IL1RAPL1: variants seen among roughly 807,000 people sequenced by gnomAD.
The protein encoded by IL1RAPL1 is interleukin-1 receptor accessory protein-like 1.
In IL1RAPL1, 3 loss-of-function variants were observed where a neutral mutation model predicts 48.4. That is an observed-to-expected ratio of 0.06 (90% CI 0.03 to 0.16). The LOEUF (loss-of-function observed/expected upper bound fraction) is 0.16. IL1RAPL1 is among the 10% of genes least tolerant of loss of function. IL1RAPL1 has a pLI of 1.00. For missense variants in IL1RAPL1, 349 were observed against 530.6 expected (o/e 0.66, Z 3.36); for synonymous variants, 185 against 187.7 (o/e 0.99, Z 0.12).
At chrX:29,106,658 T>C (rs950442369) in intron 2 of IL1RAPL1, among the ~76,000 whole-genome samples, 1 of 111,344 alleles carries the variant, frequency 9.0e-6, no homozygotes, top group Non-Finnish European at 1.9e-5. Context: ...TGTGGCATGA[T>C]GTTGTTATAT....
intron 2 of IL1RAPL1, among the ~76,000 whole-genome samples, chrX:28,956,844 T>G (rs1366524953): frequency 9.3e-6 from 1 of 107,581 alleles, no homozygotes; most frequent in Non-Finnish European, 1.9e-5. Context: ...ATGGTACCAG[T>G]TCCTCCTTGT....
intron 6 of IL1RAPL1, among the ~76,000 whole-genome samples, chrX:29,831,531 A>G (rs1930875516): frequency 8.9e-6 from 1 of 112,075 alleles, no homozygotes. Context: ...GGAAATAGAC[A>G]TGAATCAGAC....
chrX:29,917,065 C>G (rs1265689158), intron 6 of IL1RAPL1, among the ~76,000 whole-genome samples: 1 of 112,308 alleles, frequency 8.9e-6, no homozygotes, highest in African/African-American at 3.2e-5. Context: ...CACCTTCTAT[C>G]TGCCCTATAA....
intron 2 of IL1RAPL1, among the ~76,000 whole-genome samples, chrX:29,186,557 A>G (rs770320896): frequency 8.9e-6 from 1 of 111,884 alleles, no homozygotes; most frequent in East Asian, 2.8e-4. Flanking sequence ...AAAGACAAGT[A>G]TATTTGTAAT....
chrX:28,591,959 T>G (rs1298700121), intron 1 of IL1RAPL1, among the ~76,000 whole-genome samples: 4 of 112,048 alleles, frequency 3.6e-5, no homozygotes, highest in Non-Finnish European at 7.5e-5. Context: ...AAGGATTCCC[T>G]TAAGTCTTAT....
At chrX:29,941,052 G>A (rs1404619266) in intron 8 of IL1RAPL1, among the ~76,000 whole-genome samples, 1 of 111,982 alleles carries the variant, frequency 8.9e-6, no homozygotes, top group Non-Finnish European at 1.9e-5. Flanking sequence ...GGAGTCAGCA[G>A]ACAGCATTCA....
chrX:29,802,896 T>TATATAC (rs1305676858), intron 6 of IL1RAPL1, among the ~76,000 whole-genome samples: 5 of 56,421 alleles, frequency 8.9e-5, no homozygotes, highest in African/African-American at 1.6e-4. Context: ...TATGTATACA[T>TATATAC]ATATATGTGT....
intron 2 of IL1RAPL1, among the ~76,000 whole-genome samples, chrX:29,202,793 G>A (rs1189563570): frequency 8.9e-6 from 1 of 111,795 alleles, no homozygotes; most frequent in Non-Finnish European, 1.9e-5. Context: ...TGACCTATAA[G>A]TGGGAACCAA....
chrX:29,243,738 G>T (rs1931462369), intron 2 of IL1RAPL1, among the ~76,000 whole-genome samples: 1 of 111,353 alleles, frequency 9.0e-6, no homozygotes, highest in Non-Finnish European at 1.9e-5. Flanking sequence ...TACCTCTGAA[G>T]ATCCACTCTA....
intron 5 of IL1RAPL1, among the ~76,000 whole-genome samples, chrX:29,498,475 T>C (rs748039273): frequency 8.9e-6 from 1 of 112,261 alleles, no homozygotes; most frequent in South Asian, 3.7e-4. Context: ...TTTCTTTATT[T>C]GATTCCTTAC....
At chrX:29,225,677 G>T (rs1450117378) in intron 2 of IL1RAPL1, among the ~76,000 whole-genome samples, 1 of 111,376 alleles carries the variant, frequency 9.0e-6, no homozygotes, top group East Asian at 2.8e-4. Context: ...ATGTGATTGG[G>T]CTGGTTAATA....
chrX:28,861,990 G>A (rs1376520670), intron 2 of IL1RAPL1, among the ~76,000 whole-genome samples: 2 of 111,187 alleles, frequency 1.8e-5, no homozygotes, highest in Admixed American at 1.9e-4. Context: ...TGCAGCAATA[G>A]AATTAACGAG....
chrX:29,709,335 G>A (rs765135770), intron 6 of IL1RAPL1, among the ~76,000 whole-genome samples: 2 of 111,426 alleles, frequency 1.8e-5, no homozygotes, highest in African/African-American at 3.3e-5. Context: ...TGACATATAC[G>A]GTGTTCAGTT....
chrX:28,958,607 A>C (rs2147360366), intron 2 of IL1RAPL1, among the ~76,000 whole-genome samples: 1 of 111,498 alleles, frequency 9.0e-6, no homozygotes, highest in African/African-American at 3.3e-5. Context: ...GAAGGAAGAT[A>C]GTAAAAGTCA....
chrX:29,356,309 T>C (rs1173833614), intron 3 of IL1RAPL1, among the ~76,000 whole-genome samples: 2 of 110,257 alleles, frequency 1.8e-5, no homozygotes, highest in East Asian at 5.7e-4. Flanking sequence ...AGTGAGGCAA[T>C]CGTTTTAATG....
At chrX:29,738,450 C>CTTTTTTTTTTTTTTTTTTTTTTTT (rs59952038) in intron 6 of IL1RAPL1, among the ~76,000 whole-genome samples, 2 of 86,163 alleles carry the variant, frequency 2.3e-5, no homozygotes, top group Admixed American at 1.3e-4. Flanking sequence ...CTTTTCTTTT[C>CTTTTTTTTTTTTTTTTTTTTTTTT]TTTTTTTTTT....
chrX:28,860,706 C>T (rs1210157612), intron 2 of IL1RAPL1, among the ~76,000 whole-genome samples: 3 of 110,620 alleles, frequency 2.7e-5, no homozygotes, highest in Non-Finnish European at 3.8e-5. Flanking sequence ...TGATCCGCCC[C>T]CCCGCTTAGC....
intron 3 of IL1RAPL1, among the ~76,000 whole-genome samples, chrX:29,325,849 C>T (rs1261494728): frequency 1.8e-5 from 2 of 111,685 alleles, no homozygotes; most frequent in Non-Finnish European, 3.8e-5. Context: ...AAGGGGGAGC[C>T]AGTGCATCAC....
intron 6 of IL1RAPL1, among the ~76,000 whole-genome samples, chrX:29,769,403 A>T (rs1424764477): frequency 1.4e-5 from 1 of 72,332 alleles, no homozygotes; most frequent in African/African-American, 5.8e-5. Flanking sequence ...TTGATGAGTC[A>T]TATTTTTGAG....
Sources: gnomAD v4.1 joint callset for allele counts (sites outside exome capture counted in the v4.1 genomes callset) on GRCh38, gnomAD v4.1.1 for gene constraint, MANE v1.5 for transcripts, NCBI Gene and HGNC (gene_info 2026-07-23, HGNC 2026-07-21) for gene names.